The following TRIP12 variants were observed in gnomAD, a reference collection of about 807,000 sequenced individuals.
The protein encoded by TRIP12 is E3 ubiquitin-protein ligase TRIP12.
Under a neutral mutation model 244.2 loss-of-function variants are expected in TRIP12, and 25 were observed. The observed-to-expected ratio is 0.10, with a 90% CI of 0.07 to 0.14. The LOEUF is 0.14. Ranked by LOEUF, TRIP12 falls within the 10% of genes least tolerant of loss-of-function variation. The pLI is 1.00. For synonymous variants in TRIP12, 905 were observed against 873.1 expected, an observed-to-expected ratio of 1.04 and a Z score of -0.64; for missense variants, 1,677 against 2,486.4, an observed-to-expected ratio of 0.67 and a Z score of 6.92.
chr2:229,878,569 G>C (rs1171661151), intron 2 of TRIP12, among the ~76,000 whole-genome samples: 2 of 150,918 alleles, frequency 1.3e-5, no homozygotes, highest in Non-Finnish European at 2.9e-5. Context: ...CTTTACATTT[G>C]ACATTAAAAA....
intron 2 of TRIP12, among the ~76,000 whole-genome samples, chr2:229,873,929 G>A (rs114859104): frequency 1.4e-4 from 21 of 151,978 alleles, no homozygotes; most frequent in African/African-American, 1.9e-4. Context: ...ATGTAAAAAC[G>A]GGTCCATAAC....
intron 9 of TRIP12, among the ~76,000 whole-genome samples, chr2:229,817,165 T>C (rs556360949): frequency 1.3e-5 from 2 of 152,272 alleles, no homozygotes; most frequent in East Asian, 3.9e-4. Flanking sequence ...TCAAGCTATC[T>C]CCATAATTTG....
intron 1 of TRIP12, among the ~76,000 whole-genome samples, chr2:229,899,702 A>G (rs932840955): frequency 3.9e-5 from 6 of 152,246 alleles, no homozygotes; most frequent in African/African-American, 9.6e-5. Context: ...GAGCTGGTAT[A>G]TAAGAACTCA....
chr2:229,922,736 G>A, upstream of TRIP12: 1 of 928,494 alleles, frequency 1.1e-6, no homozygotes, highest in Non-Finnish European at 1.6e-6. Flanking sequence ...CCGGCTCCGC[G>A]CCGGGAGATT....
chr2:229,791,214 C>G lies in TRIP12; in HGVS notation c.4453G>C (p.Asp1485His). ...PVREDEESNK[D>H]CVGGKRGRAQ... ...CTTCCTCTTTTACCACCAACACAAT[C>G]TTTATTACTTTCTTCATCCTCTCTC... Residue 1485 changes from aspartate to histidine, a missense_variant, in exon 30 of 42, where the codon GAT becomes CAT. Physicochemically the swap from Asp to His is moderately conservative, Grantham distance 81. Around this residue, in one of 11 missense-constraint regions of TRIP12, gnomAD observed 265 missense variants for 370.8 expected, o/e 0.71. Coordinates refer to ENST00000675903, the MANE Select transcript of TRIP12 (RefSeq NM_001348323.3). 6.2e-7 allele frequency: 1 copy of G among 1,614,058 alleles called. No individual in the cohort carries two copies.
chr2:229,917,981 T>G (rs1042979381), intron 1 of TRIP12, among the ~76,000 whole-genome samples: 1 of 152,106 alleles, frequency 6.6e-6, no homozygotes, highest in African/African-American at 2.4e-5. Context: ...TCAGGTTTAT[T>G]AGTATACCTT....
intron 2 of TRIP12, among the ~76,000 whole-genome samples, chr2:229,874,979 T>C (rs1301738852): frequency 6.6e-6 from 1 of 152,160 alleles, no homozygotes; most frequent in Non-Finnish European, 1.5e-5. Context: ...AGGGAGGTGG[T>C]AGCCTACAAA....
intron 31 of TRIP12, 79 bp from the exon 32 acceptor site, chr2:229,789,019 C>T: frequency 7.6e-7 from 1 of 1,319,076 alleles, no homozygotes; most frequent in South Asian, 1.4e-5. Context: ...CCATTATCCC[C>T]AAGTCCATGC....
chr2:229,823,288 G>A (rs1250129753), intron 8 of TRIP12, among the ~76,000 whole-genome samples: 1 of 152,162 alleles, frequency 6.6e-6, no homozygotes, highest in Non-Finnish European at 1.5e-5. Context: ...ATATAGTCAA[G>A]CTATTAAAAA....
intron 1 of TRIP12, among the ~76,000 whole-genome samples, chr2:229,899,797 G>C (rs970507464): frequency 2.6e-5 from 4 of 152,214 alleles, no homozygotes; most frequent in African/African-American, 7.2e-5. Flanking sequence ...GACAACTTCA[G>C]AAAGGTCTAG....
At chr2:229,873,517 G>C (rs2063057082) in intron 2 of TRIP12, among the ~76,000 whole-genome samples, 1 of 152,080 alleles carries the variant, frequency 6.6e-6, no homozygotes, top group Admixed American at 6.6e-5. Context: ...TTAATGTTAG[G>C]GTATTGAGAG....
At chr2:229,839,795 C>T (rs187211096) in intron 5 of TRIP12, among the ~76,000 whole-genome samples, 54 of 152,182 alleles carry the variant, frequency 3.5e-4, no homozygotes, top group African/African-American at 1.2e-3. Flanking sequence ...CCTGAAAAGC[C>T]GAGAGGAAGT....
intron 2 of TRIP12, among the ~76,000 whole-genome samples, chr2:229,861,726 T>C (rs1046814477): frequency 6.6e-6 from 1 of 152,146 alleles, no homozygotes; most frequent in Non-Finnish European, 1.5e-5. Context: ...CTTCCATCTT[T>C]CCAGAATTCA....
intron 1 of TRIP12, among the ~76,000 whole-genome samples, chr2:229,914,883 T>C (rs1231948798): frequency 6.6e-6 from 1 of 152,200 alleles, no homozygotes; most frequent in African/African-American, 2.4e-5. Flanking sequence ...ACATGCTCTC[T>C]AAAAAGAAAC....
Position 229,824,307 on chromosome 2 carries a change from A to G in TRIP12, c.1450+4886T>C, listed in dbSNP as rs376080510. ...ACAATGAATTTTGGTAAAAATTCAAAAGCTTGATACCATACTACTGTCATT... is the reference window on the plus strand; with the variant it reads ...ACAATGAATTTTGGTAAAAATTCAAGAGCTTGATACCATACTACTGTCATT... On this transcript the variant is annotated intron_variant, in intron 8 of 41. Coordinates refer to ENST00000675903, the MANE Select transcript of TRIP12 (RefSeq NM_001348323.3). Among the ~76,000 whole-genome samples, 70 of 152,364 alleles carry G rather than the reference A, an allele frequency of 4.6e-4. 3 individuals are homozygous for G. The South Asian group carries it at 0.015, about 32-fold the overall frequency.
chr2:229,886,622 A>G (rs1438657261), intron 1 of TRIP12, among the ~76,000 whole-genome samples: 1 of 152,038 alleles, frequency 6.6e-6, no homozygotes, highest in Non-Finnish European at 1.5e-5. Context: ...GTGCAACACC[A>G]TGCATGGCTA....
intron 34 of TRIP12, among the ~76,000 whole-genome samples, chr2:229,785,260 TC>T (rs2039640115): frequency 2.0e-5 from 3 of 152,272 alleles, no homozygotes; most frequent in South Asian, 4.1e-4. Flanking sequence ...AGAAAACACA[TC>T]AATGTTTATC....
intron 20 of TRIP12, among the ~76,000 whole-genome samples, chr2:229,802,943 G>A (rs2044783699): frequency 6.6e-6 from 1 of 152,162 alleles, no homozygotes; most frequent in Admixed American, 6.5e-5. Flanking sequence ...TTTAAGGTGT[G>A]TAAAGAGAGC....
chr2:229,827,036 T>C (rs1206807021), intron 8 of TRIP12, among the ~76,000 whole-genome samples: 1 of 152,084 alleles, frequency 6.6e-6, no homozygotes, highest in Non-Finnish European at 1.5e-5. Flanking sequence ...ATCCTAGCAC[T>C]TTGGGAGGCT....
Sources: allele counts gnomAD v4.1 joint callset (sites outside exome capture counted in the v4.1 genomes callset), GRCh38; gene constraint gnomAD v4.1.1; regional missense constraint gnomAD v4.1.1; transcripts MANE v1.5; gene names NCBI Gene and HGNC (gene_info 2026-07-23, HGNC 2026-07-21).